HECTD4: variants seen among roughly 807,000 people sequenced by gnomAD.
The protein encoded by HECTD4 is probable E3 ubiquitin-protein ligase HECTD4.
HECTD4 carries 114 observed loss-of-function variants against 471.5 expected under a neutral mutation model. The ratio of observed to expected loss-of-function variants is 0.24; its 90% CI spans 0.21 to 0.28. The LOEUF is 0.28. Ranked by LOEUF, HECTD4 falls within the 10% of genes least tolerant of loss-of-function variation. The probability of loss-of-function intolerance (pLI) is 1.00; values close to 1 mark genes in which losing one functional copy is unlikely to be tolerated. For synonymous variants in HECTD4, 2,012 were observed against 2,256.0 expected, an observed-to-expected ratio of 0.89 and a Z score of 3.07; for missense variants, 3,866 against 5,651.5, an observed-to-expected ratio of 0.68 and a Z score of 10.13.
chr12:112,268,167 A>G (rs1221107157), intron 13 of HECTD4, among the ~76,000 whole-genome samples: 1 of 152,174 alleles, frequency 6.6e-6, no homozygotes, highest in Non-Finnish European at 1.5e-5. Flanking sequence ...TCAAGTGCAC[A>G]TATTTACAGT....
intron 9 of HECTD4, among the ~76,000 whole-genome samples, chr12:112,275,286 G>T (rs963608602): frequency 1.3e-5 from 2 of 152,176 alleles, no homozygotes; most frequent in African/African-American, 4.8e-5. Flanking sequence ...ATCACAAGAT[G>T]CAAATGTTTA....
intron 20 of HECTD4, 79 bp from the exon 21 acceptor site, chr12:112,256,597 AT>A: frequency 1.0e-6 from 1 of 993,398 alleles, no homozygotes; most frequent in Non-Finnish European, 1.4e-6. Context: ...TTGCTCTTTA[AT>A]TTTCCACAGC....
intron 44 of HECTD4, among the ~76,000 whole-genome samples, chr12:112,221,693 G>C (rs369689769): frequency 6.6e-6 from 1 of 152,106 alleles, no homozygotes; most frequent in Non-Finnish European, 1.5e-5. Flanking sequence ...AGGCTAAGGA[G>C]GGAAGATCAC....
At chr12:112,168,420 G>C (rs939256862) in intron 70 of HECTD4, among the ~76,000 whole-genome samples, 1 of 152,200 alleles carries the variant, frequency 6.6e-6, no homozygotes, top group African/African-American at 2.4e-5. Flanking sequence ...ATGTGCAAAG[G>C]GCAACGGTAA....
chr12:112,345,295 A>G (rs1594062178), intron 1 of HECTD4, among the ~76,000 whole-genome samples: 1 of 152,138 alleles, frequency 6.6e-6, no homozygotes, highest in East Asian at 1.9e-4. Flanking sequence ...TGGAAGAACA[A>G]GGTCAGAAGA....
Position 112,273,656 on chromosome 12 carries a change from T to C in HECTD4, c.1941A>G (p.Lys647=). Residue 647 remains lysine, a splice_region_variant and synonymous_variant, in exon 11 of 76, where the codon AAA becomes AAG. Transcript: ENST00000682272. ...TGCAAGACCCTGAGTGCACCTCACCTTTGGGCTCAGTGATAATGTGACTGA... is the reference window on the plus strand; with the variant it reads ...TGCAAGACCCTGAGTGCACCTCACCCTTGGGCTCAGTGATAATGTGACTGA... ...LGVSHIITEP[K]EEAITTNEVI... 6.2e-7 allele frequency: 1 copy of C among 1,613,792 alleles called. No individual in the cohort carries two copies. Among genetic ancestry groups the C allele is most frequent in the Non-Finnish European group, 8.5e-7 (1 of 1,179,730 alleles).
chr12:112,234,367 A>T (rs2033452280), intron 37 of HECTD4, among the ~76,000 whole-genome samples: 1 of 152,166 alleles, frequency 6.6e-6, no homozygotes, highest in South Asian at 2.1e-4. Flanking sequence ...CTTAGTTTAC[A>T]CCATGGTCCC....
rs2031460158 is a variant in HECTD4, at chr12:112,176,626, G to T, written c.11440C>A (p.Pro3814Thr). Residue 3814 changes from proline to threonine, a missense_variant, in exon 65 of 76, where the codon CCA (proline) becomes ACA (threonine). Around this residue, in one of 16 missense-constraint regions of HECTD4, gnomAD observed 715 missense variants for 1,087.6 expected, o/e 0.66. Transcript: ENST00000682272. ...TGTTTTTTGGTAGGTGACTTTTCTGGGTCCTTTTCATCTGGTTTGCTCTTT... is the reference window on the plus strand; with the variant it reads ...TGTTTTTTGGTAGGTGACTTTTCTGTGTCCTTTTCATCTGGTTTGCTCTTT... ...PEKSKPDEKD[P>T]EKSPTKKQEV... 1 of 1,613,842 alleles carries T rather than the reference G, an allele frequency of 6.2e-7. No homozygotes were observed. Among genetic ancestry groups the T allele is most frequent in the Admixed American group, 1.7e-5 (1 of 60,004 alleles).
chr12:112,254,750 G>T (rs570820331), intron 21 of HECTD4, among the ~76,000 whole-genome samples: 1 of 152,146 alleles, frequency 6.6e-6, no homozygotes, highest in Non-Finnish European at 1.5e-5. Context: ...GCCAGAAAGG[G>T]GGCTGCTGCT....
At chr12:112,222,042 G>A (rs765660118) in intron 44 of HECTD4, among the ~76,000 whole-genome samples, 1 of 151,792 alleles carries the variant, frequency 6.6e-6, no homozygotes, top group Non-Finnish European at 1.5e-5. Flanking sequence ...TTCTGCCTCA[G>A]CCACCTGAGT....
Position 112,243,715 on chromosome 12 carries a change from G to T in HECTD4, c.4696C>A (p.Gln1566Lys). 6.2e-7 allele frequency: 1 copy of T among 1,613,996 alleles called. No homozygotes were observed. Among genetic ancestry groups the T allele is most frequent in the East Asian group, 2.2e-5 (1 of 44,890 alleles). ...CTGCTGTCCTCAATGGCCAGCGACT[G>T]CAGGAGTGTAAAGGAGCTGCTGCGG... The part of the protein sequence containing the change: ...SHRSSSFTLL[Q>K]SLAIEDSRDK... Residue 1566 changes from glutamine to lysine, a missense_variant, in exon 31 of 76, where the codon CAG becomes AAG. Physicochemically the swap from Gln to Lys is moderately conservative, Grantham distance 53 (BLOSUM62 1). Around this residue, in one of 16 missense-constraint regions of HECTD4, gnomAD observed 229 missense variants for 386.4 expected, o/e 0.59. Coordinates refer to ENST00000682272, the MANE Select transcript of HECTD4 (RefSeq NM_001388303.1). The surrounding 1 kb of genome is among the most constrained non-coding windows in gnomAD (Gnocchi z 6.6).
intron 51 of HECTD4, among the ~76,000 whole-genome samples, 176 bp downstream of exon 51, chr12:112,208,318 T>C (rs2032656501): frequency 6.6e-6 from 1 of 152,182 alleles, no homozygotes; most frequent in South Asian, 2.1e-4. Context: ...TCGCTATTGA[T>C]AGGGGTTTAG....
At chr12:112,254,303 G>A (rs2033960169) in intron 21 of HECTD4, 141 bp from the exon 22 acceptor site, 3 of 1,010,212 alleles carry the variant, frequency 3.0e-6, no homozygotes, top group South Asian at 3.6e-5. Context: ...AATATTTCCC[G>A]ATTTTTTTAG....
At chr12:112,356,718 C>A (rs2036345154) in intron 1 of HECTD4, among the ~76,000 whole-genome samples, 1 of 152,176 alleles carries the variant, frequency 6.6e-6, no homozygotes, top group Non-Finnish European at 1.5e-5. Context: ...GAGGCATGAG[C>A]CACCAGGTCA....
chr12:112,368,256 T>C (rs1042491386), intron 1 of HECTD4, among the ~76,000 whole-genome samples: 3 of 152,316 alleles, frequency 2.0e-5, no homozygotes, highest in African/African-American at 4.8e-5. Flanking sequence ...ATTCACCAAA[T>C]GTGCTTAATA....
chr12:112,168,991 G>A lies in HECTD4; in HGVS notation c.12208+512C>T, dbSNP rs143459432. 2.6e-3 allele frequency among the ~76,000 whole-genome samples: 403 copies of A among 152,322 alleles called. 3 individuals carry two copies. Among genetic ancestry groups the A allele is most frequent in the African/African-American group, 8.2e-3 (341 of 41,576 alleles). The stretch of plus-strand genomic sequence containing the variant: ...GCTGGGTGGGGGCTCCCTCCTGCCC[G>A]GACAGCCTTTCCTTCCAGTGTGCCC... On this transcript the variant is annotated intron_variant, in intron 70 of 75. Coordinates refer to ENST00000682272, the MANE Select transcript of HECTD4 (RefSeq NM_001388303.1).
chr12:112,172,638 A>C lies in HECTD4; in HGVS notation c.11785+33T>G, dbSNP rs769776935. ...GTCATGGGGCATGCCCGCATCAGGC[A>C]GCAGGGGAGGGGATAGGCCCAGGGC... On this transcript the variant is annotated intron_variant, in intron 67 of 75. Transcript: ENST00000682272. The C allele has an allele frequency of 5.0e-6, 8 of 1,604,340 alleles. No homozygotes were observed. In the South Asian group the frequency reaches 8.8e-5, roughly 18 times the overall value.
intron 1 of HECTD4, among the ~76,000 whole-genome samples, chr12:112,377,292 A>C (rs1405168886): frequency 1.3e-5 from 2 of 151,962 alleles, no homozygotes; most frequent in African/African-American, 4.8e-5. Flanking sequence ...AAATAAAACA[A>C]AAAAACGGAG....
chr12:112,352,907 C>CAA (rs2036272210), intron 1 of HECTD4, among the ~76,000 whole-genome samples: 1 of 152,080 alleles, frequency 6.6e-6, no homozygotes, highest in Non-Finnish European at 1.5e-5. Context: ...ACAACCAGCC[C>CAA]AACATAAGTG....
Sources: gnomAD v4.1 joint callset for allele counts (sites outside exome capture counted in the v4.1 genomes callset) on GRCh38, gnomAD v4.1.1 for gene constraint, gnomAD v4.1.1 regional missense constraint, Gnocchi (gnomAD v3.1) non-coding constraint, MANE v1.5 for transcripts, NCBI Gene and HGNC (gene_info 2026-07-23, HGNC 2026-07-21) for gene names.